Variants in SPDL1 observed in about 807,000 individuals in gnomAD.
The protein encoded by SPDL1 is protein Spindly.
A neutral mutation model predicts 79.5 loss-of-function variants in SPDL1; 85 were observed. That is an observed-to-expected ratio of 1.07 (90% CI 0.90 to 1.28). SPDL1 has a LOEUF of 1.28. SPDL1 is among the 50% of genes most tolerant of loss of function. The pLI, the probability that SPDL1 is intolerant of heterozygous loss-of-function variation, is 0.00. For synonymous variants in SPDL1, 269 were observed against 240.3 expected (o/e 1.12, Z -1.10); for missense variants, 703 against 697.8 (o/e 1.01, Z -0.08).
At chr5:169,603,409 A>G (rs557334628) in intron 11 of SPDL1, among the ~76,000 whole-genome samples, 1 of 152,078 alleles carries the variant, frequency 6.6e-6, no homozygotes, top group South Asian at 2.1e-4. Flanking sequence ...ATTCCATGTT[A>G]TTTTTGTCTT....
At chr5:169,588,597 T>C (rs761397300) in intron 2 of SPDL1, 22 bp downstream of exon 2, 5 of 1,584,498 alleles carry the variant, frequency 3.2e-6, no homozygotes, top group South Asian at 1.2e-5. Context: ...GACTCCTCTG[T>C]CTGCAAGAGT....
chr5:169,593,290 A>G (rs1425102148), intron 3 of SPDL1, 64 bp from the exon 4 acceptor site: 3 of 1,394,070 alleles, frequency 2.2e-6, no homozygotes, highest in East Asian at 2.5e-5. Context: ...AATCAGTTCA[A>G]TCAGTGATTG....
intron 8 of SPDL1, among the ~76,000 whole-genome samples, chr5:169,597,500 G>C (rs1041439550): frequency 2.6e-5 from 4 of 151,904 alleles, no homozygotes; most frequent in African/African-American, 9.7e-5. Flanking sequence ...TATCTGGTAG[G>C]ACTATTTCCT....
intron 2 of SPDL1, chr5:169,590,836 C>T: frequency 1.7e-6 from 1 of 597,436 alleles, no homozygotes; most frequent in South Asian, 1.5e-5. Context: ...TAAGGTATCC[C>T]TTGCATGGGT....
chr5:169,596,486 A>G (rs1755585400), intron 7 of SPDL1, 75 bp from the exon 8 acceptor site: 3 of 1,274,014 alleles, frequency 2.4e-6, no homozygotes, highest in Non-Finnish European at 2.2e-6. Flanking sequence ...CAAATTATGA[A>G]TTGTATCAAA....
intron 2 of SPDL1, among the ~76,000 whole-genome samples, chr5:169,589,453 C>G (rs1755154667): frequency 6.6e-6 from 1 of 152,164 alleles, no homozygotes; most frequent in South Asian, 2.1e-4. Context: ...GTTTGTAGAT[C>G]CCTATGTGAC....
chr5:169,592,490 C>T (rs901452021), intron 3 of SPDL1, among the ~76,000 whole-genome samples: 1 of 152,162 alleles, frequency 6.6e-6, no homozygotes, highest in Non-Finnish European at 1.5e-5. Flanking sequence ...GCTGGGATTA[C>T]AGGCCTGAGC....
At chr5:169,599,361 CAT>C (rs765733590) in intron 10 of SPDL1, among the ~76,000 whole-genome samples, 4 of 152,246 alleles carry the variant, frequency 2.6e-5, no homozygotes, top group African/African-American at 7.2e-5. Flanking sequence ...CTGAATATAA[CAT>C]GTATCCTTTT....
At chr5:169,591,865 A>G (rs1179985574) in intron 3 of SPDL1, among the ~76,000 whole-genome samples, 1 of 152,244 alleles carries the variant, frequency 6.6e-6, no homozygotes, top group Non-Finnish European at 1.5e-5. Context: ...AGCATGTTAC[A>G]CTGGCTCCAT....
chr5:169,603,014 T>G (rs1447858135), intron 11 of SPDL1, among the ~76,000 whole-genome samples: 1 of 152,192 alleles, frequency 6.6e-6, no homozygotes, highest in Non-Finnish European at 1.5e-5. Flanking sequence ...AAAAATCACT[T>G]AAGCAAATGT....
intron 2 of SPDL1, among the ~76,000 whole-genome samples, chr5:169,589,547 A>T (rs546132401): frequency 1.3e-3 from 186 of 144,818 alleles, no homozygotes; most frequent in African/African-American, 4.5e-3. Flanking sequence ...TGGGCTTTAC[A>T]CCAGCTATTG....
chr5:169,603,819 G>T (rs914704796), intron 11 of SPDL1, among the ~76,000 whole-genome samples: 1 of 152,036 alleles, frequency 6.6e-6, no homozygotes, highest in South Asian at 2.1e-4. Context: ...ATGCCACTGC[G>T]CTCCAGCCTG....
intron 1 of SPDL1, chr5:169,586,373 T>G (rs1465659719): frequency 1.3e-5 from 2 of 152,538 alleles, no homozygotes; most frequent in Non-Finnish European, 2.9e-5. Flanking sequence ...TCCTTCTACC[T>G]CACTGGTCAC....
At chr5:169,592,968 A>G (rs1755376140) in intron 3 of SPDL1, among the ~76,000 whole-genome samples, 1 of 152,098 alleles carries the variant, frequency 6.6e-6, no homozygotes, top group Admixed American at 6.5e-5. Flanking sequence ...AACTTGACCT[A>G]CAAAACATCT....
intron 3 of SPDL1, among the ~76,000 whole-genome samples, chr5:169,592,705 T>C (rs1201042038): frequency 6.6e-6 from 1 of 151,932 alleles, no homozygotes; most frequent in Non-Finnish European, 1.5e-5. Context: ...CTTCCCCCTC[T>C]GGTTGTTATT....
chr5:169,597,362 T>G (rs1457749468), intron 8 of SPDL1, among the ~76,000 whole-genome samples: 1 of 152,102 alleles, frequency 6.6e-6, no homozygotes, highest in Non-Finnish European at 1.5e-5. Context: ...AGTTGACACC[T>G]TTATCATACA....
At chr5:169,600,046 A>T (rs757973707) in intron 10 of SPDL1, among the ~76,000 whole-genome samples, 1 of 152,214 alleles carries the variant, frequency 6.6e-6, no homozygotes, top group African/African-American at 2.4e-5. Context: ...AGTTTACTGT[A>T]TGTAAATTCA....
At chr5:169,597,095 G>A (rs927696059) in intron 8 of SPDL1, among the ~76,000 whole-genome samples, 6 of 151,910 alleles carry the variant, frequency 3.9e-5, no homozygotes, top group East Asian at 1.9e-4. Flanking sequence ...TTTGATAGTC[G>A]AAGTGCTCTT....
chr5:169,599,222 ATTTTC>A, intron 10 of SPDL1, 63 bp downstream of exon 10: 1 of 1,146,578 alleles, frequency 8.7e-7, no homozygotes, highest in Non-Finnish European at 1.2e-6. Flanking sequence ...ATATCAAATT[ATTTTC>A]TTACTGTAGT....
Sources: gnomAD v4.1 joint callset for allele counts (sites outside exome capture counted in the v4.1 genomes callset) on GRCh38, gnomAD v4.1.1 for gene constraint, MANE v1.5 for transcripts, NCBI Gene and HGNC (gene_info 2026-07-23, HGNC 2026-07-21) for gene names.